The following RFX8 variants were observed in gnomAD, a reference collection of about 807,000 sequenced individuals.
The protein encoded by RFX8 is DNA-binding protein RFX8.
Under a neutral mutation model 54.6 loss-of-function variants are expected in RFX8, and 46 were observed. That is an observed-to-expected ratio of 0.84 (90% CI 0.67 to 1.08). The LOEUF is 1.08. Ranked by LOEUF, RFX8 falls within the 50% of genes least tolerant of loss-of-function variation. RFX8 has a pLI of 0.00. For synonymous variants in RFX8, 192 were observed against 209.5 expected (o/e 0.92, Z 0.72); for missense variants, 536 against 562.3 (o/e 0.95, Z 0.47).
chr2:101,441,181 A>G (rs1028807671), intron 2 of RFX8, among the ~76,000 whole-genome samples: 1 of 152,138 alleles, frequency 6.6e-6, no homozygotes, highest in East Asian at 1.9e-4. Context: ...CGTGTTAGCC[A>G]GGATGGTCTT....
In RFX8 at chr2:101,466,911, G is replaced by T; in HGVS notation, c.-52-11C>A. 2 of 1,170,482 alleles carry T rather than the reference G, an allele frequency of 1.7e-6. No individual in the cohort carries two copies. The highest frequency in any genetic ancestry group is 2.5e-6 in the Non-Finnish European group (2 of 803,392). 72.5% of individuals were successfully genotyped at this position (1,170,482 alleles called of 1,614,324 possible). On this transcript the variant is annotated splice_polypyrimidine_tract_variant and intron_variant, in intron 1 of 11. Transcript: ENST00000428343. ...AAGTTGTCGACCAACCTGGAGGAGA[G>T]GAGGACAAGGAGGAGGAAATTGGCA...
intron 2 of RFX8, among the ~76,000 whole-genome samples, chr2:101,451,011 C>T (rs763836416): frequency 3.3e-5 from 5 of 152,074 alleles, no homozygotes; most frequent in Non-Finnish European, 7.4e-5. Flanking sequence ...CCCCGACCCC[C>T]CAGCACCCAT....
chr2:101,446,606 C>A (rs1013848441), intron 2 of RFX8, among the ~76,000 whole-genome samples: 1 of 152,136 alleles, frequency 6.6e-6, no homozygotes, highest in Non-Finnish European at 1.5e-5. Flanking sequence ...TCTTCCTCAC[C>A]GATGATAAAG....
At chr2:101,423,168 G>C (rs1427650864) in intron 2 of RFX8, among the ~76,000 whole-genome samples, 1 of 150,152 alleles carries the variant, frequency 6.7e-6, no homozygotes, top group East Asian at 2.0e-4. Context: ...TAAAGTGGGA[G>C]AATTGCTTGA....
At chr2:101,420,416 C>T (rs1197836774) in intron 4 of RFX8, among the ~76,000 whole-genome samples, 1 of 151,864 alleles carries the variant, frequency 6.6e-6, no homozygotes. Flanking sequence ...TGGTGGTGGG[C>T]GCCTGTGATC....
At chr2:101,443,496 T>C (rs376918845) in intron 2 of RFX8, among the ~76,000 whole-genome samples, 1 of 152,224 alleles carries the variant, frequency 6.6e-6, no homozygotes, top group Non-Finnish European at 1.5e-5. Context: ...TTACAAATCA[T>C]GTACAGGGAA....
At chr2:101,414,964 G>T in intron 6 of RFX8, 52 bp from the exon 7 acceptor site, 3 of 1,368,526 alleles carry the variant, frequency 2.2e-6, no homozygotes, top group Non-Finnish European at 2.0e-6. Context: ...AAGTTCTCAT[G>T]TGGGCAGTGG....
At chr2:101,422,605 C>G in intron 2 of RFX8, 133 bp from the exon 3 acceptor site, 1 of 586,084 alleles carries the variant, frequency 1.7e-6, no homozygotes, top group Non-Finnish European at 3.0e-6. Context: ...GCACACATTA[C>G]TGATTCCAGC....
intron 2 of RFX8, among the ~76,000 whole-genome samples, chr2:101,435,718 T>A (rs1277126482): frequency 2.0e-5 from 3 of 152,162 alleles, no homozygotes; most frequent in Non-Finnish European, 4.4e-5. Context: ...GATTGGAATC[T>A]GGGGAGGCCA....
chr2:101,416,009 A>G (rs1310709909), intron 6 of RFX8, among the ~76,000 whole-genome samples: 1 of 152,228 alleles, frequency 6.6e-6, no homozygotes, highest in African/African-American at 2.4e-5. Flanking sequence ...GTTGCTGAAG[A>G]GCACTGTTGG....
chr2:101,425,103 A>G (rs1188204497), intron 2 of RFX8, among the ~76,000 whole-genome samples: 6 of 152,108 alleles, frequency 3.9e-5, no homozygotes, highest in African/African-American at 1.2e-4. Context: ...TGATCATACT[A>G]AAGGATGGAG....
intron 2 of RFX8, among the ~76,000 whole-genome samples, chr2:101,455,409 G>C (rs935762745): frequency 6.6e-6 from 1 of 152,152 alleles, no homozygotes; most frequent in Non-Finnish European, 1.5e-5. Context: ...GTAAGGAAGG[G>C]ATCCAGCTTC....
chr2:101,425,616 A>G (rs1486038285), intron 2 of RFX8, among the ~76,000 whole-genome samples: 1 of 84,620 alleles, frequency 1.2e-5, no homozygotes, highest in Non-Finnish European at 2.3e-5. Flanking sequence ...ATAAAGAGCA[A>G]ATTCATGATT....
Position 101,409,505 on chromosome 2 carries a change from A to G in RFX8, c.813+1114T>C, listed in dbSNP as rs185594900. Among the ~76,000 whole-genome samples, 477 of 147,646 alleles carry G rather than the reference A, an allele frequency of 3.2e-3. 3 individuals are homozygous for G. Among genetic ancestry groups the G allele is most frequent in the African/African-American group, 0.011 (454 of 39,712 alleles). ...CCACCCAAAGTGCTGGGATTACAGGAGTGAGCCACCATGCCCGGCCAGACG... is the reference window on the plus strand; with the variant it reads ...CCACCCAAAGTGCTGGGATTACAGGGGTGAGCCACCATGCCCGGCCAGACG... On this transcript the variant is annotated intron_variant, in intron 9 of 11. Transcript: ENST00000428343.
In RFX8 at chr2:101,410,378, C is replaced by A. The variant is rs1181250012; in HGVS notation, c.813+241G>T. On this transcript the variant is annotated intron_variant, in intron 9 of 11. Transcript: ENST00000428343. The stretch of plus-strand genomic sequence containing the variant: ...CCACACACACTCCCACACACCCAAA[C>A]ATATGCCCACACTCACACACACACA... Among the ~76,000 whole-genome samples, 3 of 122,056 alleles carry A rather than the reference C, an allele frequency of 2.5e-5. No individual in the cohort carries two copies. In the East Asian group the frequency reaches 7.0e-4, roughly 29 times the overall value. 80.1% of individuals were successfully genotyped at this position (122,056 alleles called of 152,430 possible). A position where few individuals can be genotyped will look rare whatever the true frequency, so the allele number is the denominator to read the frequency against.
intron 9 of RFX8, among the ~76,000 whole-genome samples, chr2:101,406,879 A>G (rs1685767727): frequency 6.6e-6 from 1 of 152,204 alleles, no homozygotes; most frequent in South Asian, 2.1e-4. Flanking sequence ...ACCAAGCTCC[A>G]AACTGCAAAG....
chr2:101,459,940 T>C (rs1261698766), intron 2 of RFX8, among the ~76,000 whole-genome samples: 1 of 152,102 alleles, frequency 6.6e-6, no homozygotes, highest in Non-Finnish European at 1.5e-5. Context: ...GCCTCAGCAA[T>C]GGCCGATGCC....
rs889495172 is a variant in RFX8, at chr2:101,411,182, A to G, written c.719-469T>C. ...TCAGTTAGGTGGAGCCTGGTGTGAC[A>G]TCAGATTCTGGGTCCTCCACCTGCA... On this transcript the variant is annotated intron_variant, in intron 8 of 11. Transcript: ENST00000428343. Among the ~76,000 whole-genome samples, 3 of 152,346 alleles carry G rather than the reference A, an allele frequency of 2.0e-5. No homozygotes were observed. In the South Asian group the frequency reaches 6.2e-4, roughly 32 times the overall value.
At chr2:101,438,146 TGGGG>T in intron 2 of RFX8, among the ~76,000 whole-genome samples, 1 of 152,322 alleles carries the variant, frequency 6.6e-6, no homozygotes, top group African/African-American at 2.4e-5. Context: ...TTGGGATAAA[TGGGG>T]TATCGACCAC....
Sources: gnomAD v4.1 joint callset for allele counts (sites outside exome capture counted in the v4.1 genomes callset) on GRCh38, gnomAD v4.1.1 for gene constraint, MANE v1.5 for transcripts, NCBI Gene and HGNC (gene_info 2026-07-23, HGNC 2026-07-21) for gene names.